Variants in PLEKHA1 observed in about 807,000 individuals in gnomAD.
The protein encoded by PLEKHA1 is pleckstrin homology domain-containing family A member 1.
A neutral mutation model predicts 52.0 loss-of-function variants in PLEKHA1; 34 were observed. The observed-to-expected ratio is 0.65, with a 90% CI of 0.50 to 0.87. The LOEUF (loss-of-function observed/expected upper bound fraction) is 0.87, where lower values mean the gene tolerates loss of function less well. PLEKHA1 is among the 40% of genes least tolerant of loss of function. The pLI, the probability that PLEKHA1 is intolerant of heterozygous loss-of-function variation, is 0.00. For synonymous variants in PLEKHA1, 163 were observed against 170.7 expected, an observed-to-expected ratio of 0.95 and a Z score of 0.35; for missense variants, 497 against 504.2, an observed-to-expected ratio of 0.99 and a Z score of 0.14.
chr10:122,389,249 G>T (rs11200606), intron 1 of PLEKHA1, among the ~76,000 whole-genome samples: 72,817 of 152,140 alleles, frequency 0.48, 18,043 homozygotes, highest in East Asian at 0.62. Flanking sequence ...ACTCTTTGAT[G>T]CATGAGCTGC....
At chr10:122,389,122 A>C (rs974286157) in intron 1 of PLEKHA1, among the ~76,000 whole-genome samples, 4 of 152,190 alleles carry the variant, frequency 2.6e-5, no homozygotes, top group Non-Finnish European at 5.9e-5. Context: ...CTCTCCAGAA[A>C]ATTTTCAATT....
At chr10:122,383,839 A>G (rs964957821) in intron 1 of PLEKHA1, among the ~76,000 whole-genome samples, 4 of 152,198 alleles carry the variant, frequency 2.6e-5, no homozygotes, top group African/African-American at 7.2e-5. Flanking sequence ...TAAAATCCAC[A>G]TGTCGTGATT....
At position 122,424,952 on chromosome 10, in the gene PLEKHA1, A is replaced by G. The variant is rs759230843; in HGVS notation, c.803A>G (p.Tyr268Cys). Reference protein sequence around the residue: ...FEIVTTSRTFYVQADSPEEMH... With the variant: ...FEIVTTSRTFCVQADSPEEMH... ...ATTGTAACAACGTCTCGAACTTTCT[A>G]TGTGCAGGTAAGATGCTTATTTGGC... The change falls in exon 10 of 12, where the codon TAT (tyrosine) becomes TGT (cysteine). Residue 268 changes from tyrosine to cysteine, a missense_variant. Transcript: ENST00000368990. 49 of 1,607,450 alleles carry G rather than the reference A, an allele frequency of 3.0e-5. No homozygotes were observed. Among genetic ancestry groups the G allele is most frequent in the Non-Finnish European group, 3.7e-5 (44 of 1,176,630 alleles).
intron 1 of PLEKHA1, among the ~76,000 whole-genome samples, chr10:122,379,367 GCCTT>G (rs2096583351): frequency 6.6e-6 from 1 of 152,148 alleles, no homozygotes; most frequent in African/African-American, 2.4e-5. Context: ...ACTTAAGTCT[GCCTT>G]CTTTCTGTGC....
At chr10:122,381,548 C>T (rs533334982) in intron 1 of PLEKHA1, among the ~76,000 whole-genome samples, 53 of 152,108 alleles carry the variant, frequency 3.5e-4, no homozygotes, top group Non-Finnish European at 3.2e-4. Context: ...AGAGGTAACT[C>T]CTCCCTCTTT....
At chr10:122,375,821 C>A (rs1433676089) in intron 1 of PLEKHA1, among the ~76,000 whole-genome samples, 1 of 152,148 alleles carries the variant, frequency 6.6e-6, no homozygotes, top group Non-Finnish European at 1.5e-5. Context: ...TTTCACCTTC[C>A]AATTCTGCAG....
chr10:122,427,659 C>T (rs2097359112), intron 11 of PLEKHA1, among the ~76,000 whole-genome samples: 1 of 152,170 alleles, frequency 6.6e-6, no homozygotes, highest in Non-Finnish European at 1.5e-5. Flanking sequence ...TACAACTAAA[C>T]ATTCTGCTCA....
chr10:122,403,346 C>T (rs2096957891), intron 4 of PLEKHA1, among the ~76,000 whole-genome samples: 1 of 152,094 alleles, frequency 6.6e-6, no homozygotes, highest in African/African-American at 2.4e-5. Flanking sequence ...TGATAAAATA[C>T]CTTAGAACCT....
At chr10:122,375,169 G>T (rs973027811) in intron 1 of PLEKHA1, among the ~76,000 whole-genome samples, 4 of 151,966 alleles carry the variant, frequency 2.6e-5, no homozygotes, top group Non-Finnish European at 5.9e-5. Context: ...TCGCGGGGCC[G>T]ACGAGCTCCT....
At chr10:122,414,116 C>T (rs575769823) in intron 6 of PLEKHA1, among the ~76,000 whole-genome samples, 3 of 152,210 alleles carry the variant, frequency 2.0e-5, no homozygotes, top group Admixed American at 2.0e-4. Context: ...TGTGTGTTTA[C>T]TTTTTCCAAA....
intron 1 of PLEKHA1, among the ~76,000 whole-genome samples, chr10:122,381,982 A>G (rs909563302): frequency 3.3e-5 from 5 of 152,190 alleles, no homozygotes; most frequent in Non-Finnish European, 7.3e-5. Flanking sequence ...AACCTCACCA[A>G]GACACTGAGT....
At chr10:122,414,336 A>G (rs543284163) in intron 6 of PLEKHA1, among the ~76,000 whole-genome samples, 2 of 152,244 alleles carry the variant, frequency 1.3e-5, no homozygotes, top group South Asian at 4.1e-4. Context: ...ATATTTCAGT[A>G]GTTTCTAGGA....
intron 6 of PLEKHA1, among the ~76,000 whole-genome samples, chr10:122,413,296 T>G (rs564789643): frequency 1.3e-5 from 2 of 152,276 alleles, no homozygotes; most frequent in South Asian, 4.1e-4. Context: ...AGTTGTATAT[T>G]ACATTTTGTA....
chr10:122,383,279 T>A (rs2096640149), intron 1 of PLEKHA1, among the ~76,000 whole-genome samples: 1 of 151,658 alleles, frequency 6.6e-6, no homozygotes, highest in Non-Finnish European at 1.5e-5. Context: ...CATTTTTTTC[T>A]TTTCTTTCTT....
chr10:122,398,410 T>C (rs1283024352), intron 3 of PLEKHA1, among the ~76,000 whole-genome samples: 2 of 152,260 alleles, frequency 1.3e-5, no homozygotes, highest in South Asian at 2.1e-4. Context: ...AGGATGATTT[T>C]CCCCCTCTTT....
At chr10:122,387,567 A>G (rs1365339418) in intron 1 of PLEKHA1, 3 of 152,208 alleles carry the variant, frequency 2.0e-5, no homozygotes, top group Non-Finnish European at 2.9e-5. Context: ...TTTCTGTAGC[A>G]TAAAAGAACA....
chr10:122,417,853 G>T, intron 7 of PLEKHA1, 47 bp from the exon 8 acceptor site: 2 of 1,451,190 alleles, frequency 1.4e-6, no homozygotes, highest in South Asian at 2.3e-5. Context: ...ACTAACATTT[G>T]ACATTCTTAG....
chr10:122,436,217 T>C (rs777275412), downstream of PLEKHA1: 9 of 152,208 alleles, frequency 5.9e-5, no homozygotes, highest in Non-Finnish European at 7.3e-5. Context: ...TCTTTTAAAA[T>C]AGTACTTCCA....
intron 1 of PLEKHA1, chr10:122,375,012 A>G (rs1471635308): frequency 6.6e-6 from 1 of 151,928 alleles, no homozygotes; most frequent in East Asian, 1.9e-4. Context: ...CACGCGCCAC[A>G]GCACCTGGAG....
Sources: allele counts gnomAD v4.1 joint callset (sites outside exome capture counted in the v4.1 genomes callset), GRCh38; gene constraint gnomAD v4.1.1; transcripts MANE v1.5; gene names NCBI Gene and HGNC (gene_info 2026-07-23, HGNC 2026-07-21).